Variants in TMEM230 observed in about 807,000 individuals in gnomAD.
The protein encoded by TMEM230 is transmembrane protein 230.
TMEM230 carries 10 observed loss-of-function variants against 15.8 expected under a neutral mutation model. The observed-to-expected ratio is 0.63, with a 90% CI of 0.39 to 1.07. The LOEUF is 1.07. Among genes scored for constraint, TMEM230 ranks in the 50% least tolerant of loss-of-function variants. The pLI is 0.01. For synonymous variants in TMEM230, 67 were observed against 76.9 expected, an observed-to-expected ratio of 0.87 and a Z score of 0.68; for missense variants, 165 against 193.3, an observed-to-expected ratio of 0.85 and a Z score of 0.87.
chr20:5,089,777 C>A (rs2089455779), intron 3 of TMEM230, among the ~76,000 whole-genome samples: 1 of 151,908 alleles, frequency 6.6e-6, no homozygotes, highest in South Asian at 2.1e-4. Flanking sequence ...TGCCTGTAAT[C>A]CAGCACTTTG....
At chr20:5,071,075 C>T (rs1179488572) in intron 3 of TMEM230, among the ~76,000 whole-genome samples, 3 of 152,034 alleles carry the variant, frequency 2.0e-5, no homozygotes, top group Admixed American at 6.6e-5. Context: ...AGTAGTTGTC[C>T]GAGGGTACTC....
At chr20:5,098,972 T>A (rs2089747777), downstream of TMEM230, among the ~76,000 whole-genome samples, 1 of 152,094 alleles carries the variant, frequency 6.6e-6, no homozygotes, top group African/African-American at 2.4e-5. Flanking sequence ...CCCAAATGTT[T>A]ACTTTTCACT....
downstream of TMEM230, among the ~76,000 whole-genome samples, chr20:5,063,348 C>T (rs919451365): frequency 1.2e-4 from 15 of 124,614 alleles, no homozygotes; most frequent in Non-Finnish European, 2.2e-4. Context: ...AGTGCAATGG[C>T]GTGATCTCAT....
At chr20:5,079,817 C>G (rs947225772) in intron 3 of TMEM230, among the ~76,000 whole-genome samples, 1 of 151,976 alleles carries the variant, frequency 6.6e-6, no homozygotes, top group South Asian at 2.1e-4. Context: ...TGCAGAGGTG[C>G]GATCCTGGCT....
intron 3 of TMEM230, among the ~76,000 whole-genome samples, chr20:5,081,353 T>C (rs960470823): frequency 6.6e-6 from 1 of 152,170 alleles, no homozygotes; most frequent in African/African-American, 2.4e-5. Flanking sequence ...AAGGGACCCA[T>C]GCCCTTTTTC....
At chr20:5,083,021 G>A (rs541212267) in intron 3 of TMEM230, among the ~76,000 whole-genome samples, 5 of 150,528 alleles carry the variant, frequency 3.3e-5, no homozygotes, top group South Asian at 2.1e-4. Context: ...TCCACCTCCC[G>A]GGTTCAAGCG....
intron 1 of TMEM230, chr20:5,111,921 A>C: frequency 6.5e-6 from 2 of 308,142 alleles, no homozygotes; most frequent in African/African-American, 2.3e-5. Context: ...ATCTCAGCTC[A>C]CTGCAACCTC....
chr20:5,062,702 G>T, the TMEM230 span, among the ~76,000 whole-genome samples: 3 of 152,192 alleles, frequency 2.0e-5, no homozygotes, highest in Non-Finnish European at 4.4e-5. Flanking sequence ...GTTCAAGGCT[G>T]CAGTGAGCCC....
At chr20:5,064,159 C>T (rs1288396371), downstream of TMEM230, among the ~76,000 whole-genome samples, 1 of 151,926 alleles carries the variant, frequency 6.6e-6, no homozygotes, top group Non-Finnish European at 1.5e-5. Flanking sequence ...CCCAGCTACT[C>T]GGGAGGCTGA....
At chr20:5,079,311 A>G (rs1454432129) in intron 3 of TMEM230, among the ~76,000 whole-genome samples, 1 of 152,192 alleles carries the variant, frequency 6.6e-6, no homozygotes, top group Non-Finnish European at 1.5e-5. Context: ...AATATCAAAG[A>G]GGTTAAGTAT....
At position 5,092,731 on chromosome 20, in the gene TMEM230, A is replaced by AAG. The variant is rs111590997; in HGVS notation, c.222+13455_222+13456dup. On this transcript the variant is annotated intron_variant, in intron 3 of 3. Transcript: ENST00000612323. ...ACTCCGTCTCAAAAAAAAAAAAAAA[A>AAG]AGAGAGAGAGAGAGAATGAAAGGCA... Among the ~76,000 whole-genome samples, 69 of 151,692 alleles carry AAG rather than the reference A, an allele frequency of 4.5e-4. 2 individuals are homozygous for AAG. Among genetic ancestry groups the AAG allele is most frequent in the South Asian group, 4.4e-3 (21 of 4,802 alleles).
Position 5,100,682 on chromosome 20 carries a change from T to G in TMEM230, c.*109A>C. 1 of 1,498,864 alleles carries G rather than the reference T, an allele frequency of 6.7e-7. No individual in the cohort carries two copies. Among genetic ancestry groups the G allele is most frequent in the Non-Finnish European group, 8.9e-7 (1 of 1,125,484 alleles). The allele number at this position is 1,498,864 out of a possible 1,614,324, so 92.8% of individuals were successfully genotyped here. A position where few individuals can be genotyped will look rare whatever the true frequency, so the allele number is the denominator to read the frequency against. Reference sequence around the variant, plus strand: ...CCAAAAAATCTGGCCATTATTTTCTTAAACATCTGCAAGCTGCAGAATTCC... The same window carrying G: ...CCAAAAAATCTGGCCATTATTTTCTGAAACATCTGCAAGCTGCAGAATTCC... On this transcript the variant is annotated 3_prime_UTR_variant, in exon 5 of 5. Coordinates refer to ENST00000342308, the MANE Select transcript of TMEM230 (RefSeq NM_001009923.2).
chr20:5,069,195 G>T (rs748718982), exon 4 of TMEM230: 2 of 1,529,924 alleles, frequency 1.3e-6, no homozygotes, highest in South Asian at 2.4e-5. Flanking sequence ...ACCTCAGTCA[G>T]GTGATGACAC....
At chr20:5,083,281 G>A (rs994024417) in intron 3 of TMEM230, among the ~76,000 whole-genome samples, 1 of 129,590 alleles carries the variant, frequency 7.7e-6, no homozygotes. Context: ...AGTTGGTTAG[G>A]GAGATTTTTT....
At chr20:5,065,797 G>A (rs2088646465), downstream of TMEM230, among the ~76,000 whole-genome samples, 1 of 152,212 alleles carries the variant, frequency 6.6e-6, no homozygotes, top group Non-Finnish European at 1.5e-5. Context: ...GTGACTCACT[G>A]GTTGTATGTA....
At chr20:5,076,123 T>G (rs62200432) in intron 3 of TMEM230, among the ~76,000 whole-genome samples, 1 of 151,202 alleles carries the variant, frequency 6.6e-6, no homozygotes, top group Non-Finnish European at 1.5e-5. Flanking sequence ...AAAAAAAAAT[T>G]GCAGCAATAG....
chr20:5,090,317 G>C (rs906988896), intron 3 of TMEM230, among the ~76,000 whole-genome samples: 2 of 152,146 alleles, frequency 1.3e-5, no homozygotes, highest in African/African-American at 4.8e-5. Context: ...GCCAACAGCA[G>C]GACATGCATT....
rs777613385 is a variant in TMEM230 at position 5,100,852 on chromosome 20, T to A, written c.491A>T (p.Tyr164Phe). 2 of 1,614,056 alleles carry A rather than the reference T, an allele frequency of 1.2e-6. No individual in the cohort carries two copies. Among genetic ancestry groups the A allele is most frequent in the African/African-American group, 2.7e-5 (2 of 74,934 alleles). ...ACCACGGTAGCCTTTGGATGCATAG[T>A]AAGCGATGCGCAGGTGGTAAAATCC... Residue 164 changes from tyrosine to phenylalanine, a missense_variant, in exon 5 of 5, where the codon TAC (tyrosine) becomes TTC (phenylalanine). Transcript: ENST00000342308.
intron 3 of TMEM230, among the ~76,000 whole-genome samples, chr20:5,076,617 A>G (rs1164426803): frequency 6.6e-6 from 1 of 152,010 alleles, no homozygotes; most frequent in African/African-American, 2.4e-5. Flanking sequence ...GTTATGTAAC[A>G]GGCATCTATG....
Sources: allele counts gnomAD v4.1 joint callset (sites outside exome capture counted in the v4.1 genomes callset), GRCh38; gene constraint gnomAD v4.1.1; transcripts MANE v1.5; gene names NCBI Gene and HGNC (gene_info 2026-07-23, HGNC 2026-07-21).